The following HOOK3 variants were observed in gnomAD, a reference collection of about 807,000 sequenced individuals.
The protein encoded by HOOK3 is protein Hook homolog 3.
In HOOK3, 24 loss-of-function variants were observed where a neutral mutation model predicts 116.3. The observed-to-expected ratio is 0.21, with a 90% CI of 0.15 to 0.29. The LOEUF (loss-of-function observed/expected upper bound fraction) is 0.29. Ranked by LOEUF, HOOK3 falls within the 10% of genes least tolerant of loss-of-function variation. The pLI, the probability that HOOK3 is intolerant of heterozygous loss-of-function variation, is 1.00. For missense variants in HOOK3, 632 were observed against 830.2 expected (o/e 0.76, Z 2.93); for synonymous variants, 275 against 283.0 (o/e 0.97, Z 0.28).
Position 42,987,077 on chromosome 8 carries a change from A to G in HOOK3, c.1532+282A>G, listed in dbSNP as rs531531593. On this transcript the variant is annotated intron_variant, in intron 15 of 21. Coordinates refer to ENST00000307602, the MANE Select transcript of HOOK3 (RefSeq NM_032410.4). ...CTCAGGAGGCAGAGGTAGAAGGATC[A>G]TTTGAGCCCAGGAGGCAGAGGTTGC... Among the ~76,000 whole-genome samples the G allele has an allele frequency of 2.6e-5, 4 of 152,236 alleles. No individual in the cohort carries two copies. In the East Asian group the frequency reaches 7.7e-4, roughly 29 times the overall value.
At chr8:42,982,350 G>A (rs1808968204) in intron 13 of HOOK3, among the ~76,000 whole-genome samples, 1 of 151,090 alleles carries the variant, frequency 6.6e-6, no homozygotes, top group Non-Finnish European at 1.5e-5. Flanking sequence ...ATTGGTTACA[G>A]AGTTTGTGAT....
Position 42,986,652 on chromosome 8 carries a change from C to A in HOOK3, c.1392-3C>A. The A allele has an allele frequency of 6.2e-7, 1 of 1,605,294 alleles. No individual in the cohort carries two copies. The highest frequency in any genetic ancestry group is 8.5e-7 in the Non-Finnish European group (1 of 1,176,070). On this transcript the variant is annotated splice_region_variant and splice_polypyrimidine_tract_variant and intron_variant, in intron 14 of 21. Coordinates refer to ENST00000307602, the MANE Select transcript of HOOK3 (RefSeq NM_032410.4). ...ATATTTAGTTTTTATTTTGTTCATT[C>A]AGGGAGAAACTTATTCGTCTTCAGC...
chr8:42,944,358 A>G (rs1385811604), intron 5 of HOOK3, among the ~76,000 whole-genome samples: 1 of 150,028 alleles, frequency 6.7e-6, no homozygotes, highest in Non-Finnish European at 1.5e-5. Flanking sequence ...AGAGGTTGCA[A>G]TGAGCCAAGA....
At chr8:42,945,385 C>T (rs796186412) in intron 5 of HOOK3, among the ~76,000 whole-genome samples, 3 of 152,268 alleles carry the variant, frequency 2.0e-5, no homozygotes, top group African/African-American at 7.2e-5. Context: ...TCTCAGCTCA[C>T]TGCAACCTCC....
rs1809968321 is a variant in HOOK3, at chr8:43,028,214, C to A, written c.*9716C>A. The A allele has an allele frequency of 5.5e-6, 1 of 182,970 alleles. No individual in the cohort carries two copies. Among genetic ancestry groups the A allele is most frequent in the South Asian group, 2.0e-4 (1 of 5,074 alleles). 11.3% of individuals were successfully genotyped at this position (182,970 alleles called of 1,614,324 possible). A position where few individuals can be genotyped will look rare whatever the true frequency, so the allele number is the denominator to read the frequency against. On this transcript the variant is annotated 3_prime_UTR_variant, in exon 22 of 22. Coordinates refer to ENST00000307602, the MANE Select transcript of HOOK3 (RefSeq NM_032410.4). Reference sequence around the variant, plus strand: ...TCTTTTAAAATTGATATTAGCTGGGCATGGTAGCTCATGCCTGTAGTCCCA... The same window carrying A: ...TCTTTTAAAATTGATATTAGCTGGGAATGGTAGCTCATGCCTGTAGTCCCA...
At chr8:42,940,999 G>A (rs534453495) in intron 4 of HOOK3, among the ~76,000 whole-genome samples, 5 of 151,908 alleles carry the variant, frequency 3.3e-5, no homozygotes, top group Non-Finnish European at 5.9e-5. Flanking sequence ...CGGAGTGAGT[G>A]CAGTGGCACG....
intron 10 of HOOK3, among the ~76,000 whole-genome samples, 167 bp from the exon 11 acceptor site, chr8:42,967,846 T>G (rs1808659722): frequency 6.6e-6 from 1 of 151,774 alleles, no homozygotes; most frequent in Admixed American, 6.6e-5. Flanking sequence ...ATTAAACATT[T>G]AGTTGTAACT....
chr8:42,954,970 G>A (rs761225278), intron 6 of HOOK3, among the ~76,000 whole-genome samples: 16 of 152,194 alleles, frequency 1.1e-4, no homozygotes, highest in Non-Finnish European at 2.1e-4. Flanking sequence ...CGAGAAGCAG[G>A]AACAGTGTGG....
chr8:43,008,048 T>A, intron 18 of HOOK3, 119 bp downstream of exon 18: 78 of 345,784 alleles, frequency 2.3e-4, no homozygotes, highest in Non-Finnish European at 3.8e-4. Context: ...TGAGATGAAG[T>A]CTCACTCTCA....
At chr8:43,006,583 A>G (rs1304936717) in intron 17 of HOOK3, among the ~76,000 whole-genome samples, 1 of 152,194 alleles carries the variant, frequency 6.6e-6, no homozygotes, top group East Asian at 1.9e-4. Flanking sequence ...TTGGCCTCCC[A>G]AAGTGCTAGG....
At chr8:42,924,976 C>CAA (rs540289955) in intron 2 of HOOK3, among the ~76,000 whole-genome samples, 2 of 136,312 alleles carry the variant, frequency 1.5e-5, no homozygotes, top group African/African-American at 5.4e-5. Flanking sequence ...GACTCTGTCT[C>CAA]AAAAAAAAAA....
At chr8:42,989,082 C>T (rs1304070319) in intron 15 of HOOK3, among the ~76,000 whole-genome samples, 1 of 152,104 alleles carries the variant, frequency 6.6e-6, no homozygotes. Context: ...CAAGAGTGAG[C>T]ACTTTAGTGT....
At chr8:42,921,486 T>C (rs1290374074) in intron 2 of HOOK3, among the ~76,000 whole-genome samples, 1 of 152,240 alleles carries the variant, frequency 6.6e-6, no homozygotes, top group Non-Finnish European at 1.5e-5. Flanking sequence ...GTTGTTTTTC[T>C]TTTGATTATC....
At chr8:43,005,226 T>TG (rs1308192527) in intron 17 of HOOK3, among the ~76,000 whole-genome samples, 2,219 of 138,550 alleles carry the variant, frequency 0.016, 51 homozygotes, top group African/African-American at 0.058. Context: ...TTTTTTTTTT[T>TG]TTTTTTTTTT....
chr8:42,979,587 C>CT (rs1178195942), intron 13 of HOOK3, among the ~76,000 whole-genome samples: 1 of 152,084 alleles, frequency 6.6e-6, no homozygotes, highest in African/African-American at 2.4e-5. Flanking sequence ...CTACAACATT[C>CT]TTTTTTCCCT....
chr8:42,955,577 G>A (rs1048918948), intron 6 of HOOK3, among the ~76,000 whole-genome samples: 1 of 152,180 alleles, frequency 6.6e-6, no homozygotes, highest in Non-Finnish European at 1.5e-5. Flanking sequence ...GGGGGCAATG[G>A]TAGACAATGT....
chr8:42,949,006 A>G (rs1008823140), intron 5 of HOOK3, among the ~76,000 whole-genome samples: 3 of 152,244 alleles, frequency 2.0e-5, no homozygotes, highest in African/African-American at 7.2e-5. Flanking sequence ...GTCATAATTT[A>G]ATAGTATTGT....
intron 17 of HOOK3, among the ~76,000 whole-genome samples, chr8:43,002,449 A>G (rs1438616511): frequency 2.6e-5 from 4 of 152,156 alleles, no homozygotes; most frequent in Non-Finnish European, 5.9e-5. Context: ...TCAGATAGTA[A>G]TTGCTTTTTA....
chr8:43,014,418 C>T (rs1809670772), intron 21 of HOOK3, among the ~76,000 whole-genome samples: 1 of 151,176 alleles, frequency 6.6e-6, no homozygotes, highest in African/African-American at 2.4e-5. Context: ...GTGGTGTGAT[C>T]TCGGCTCACT....
Sources: allele counts gnomAD v4.1 joint callset (sites outside exome capture counted in the v4.1 genomes callset), GRCh38; gene constraint gnomAD v4.1.1; transcripts MANE v1.5; gene names NCBI Gene and HGNC (gene_info 2026-07-23, HGNC 2026-07-21).